DLG2: variants seen among roughly 807,000 people sequenced by gnomAD.
DLG2 encodes discs large MAGUK scaffold protein 2.
DLG2 carries 45 observed loss-of-function variants against 132.5 expected under a neutral mutation model. That is an observed-to-expected ratio of 0.34 (90% CI 0.27 to 0.44). The LOEUF is 0.44. Ranked by LOEUF, DLG2 falls within the 20% of genes least tolerant of loss-of-function variation. The pLI is 1.00. For missense variants in DLG2, 1,045 were observed against 1,196.9 expected, an observed-to-expected ratio of 0.87 and a Z score of 1.87; for synonymous variants, 424 against 419.6, an observed-to-expected ratio of 1.01 and a Z score of -0.13.
At chr11:84,730,620 G>A (rs374923928) in intron 6 of DLG2, among the ~76,000 whole-genome samples, 1 of 152,012 alleles carries the variant, frequency 6.6e-6, no homozygotes, top group Non-Finnish European at 1.5e-5. Context: ...TTCATGGGAA[G>A]ACTGACAAGA....
intron 7 of DLG2, among the ~76,000 whole-genome samples, chr11:84,323,720 C>CTTTTTTTTTTTTTTTTTT (rs35283044): frequency 8.1e-6 from 1 of 123,790 alleles, no homozygotes; most frequent in African/African-American, 3.0e-5. Context: ...TTCTTTTTTC[C>CTTTTTTTTTTTTTTTTTT]TTTTTTTTTT....
intron 7 of DLG2, chr11:84,317,224 A>G: frequency 6.6e-7 from 1 of 1,520,290 alleles, no homozygotes; most frequent in Non-Finnish European, 8.8e-7. Context: ...TCTTCCAGCC[A>G]GTTGTAAAAG....
At chr11:83,978,888 C>T (rs751493406) in intron 12 of DLG2, among the ~76,000 whole-genome samples, 18 of 152,050 alleles carry the variant, frequency 1.2e-4, no homozygotes, top group Non-Finnish European at 2.5e-4. Context: ...GGCAGTATAG[C>T]TTGGTAGTAA....
Position 85,239,672 on chromosome 11 carries a change from G to A in DLG2, c.186+45548C>T, listed in dbSNP as rs182395683. 6.6e-4 allele frequency among the ~76,000 whole-genome samples: 101 copies of A among 151,894 alleles called. 2 individuals carry two copies. In the East Asian group the frequency reaches 0.013, roughly 20 times the overall value. On this transcript the variant is annotated intron_variant, in intron 4 of 27. Transcript: ENST00000376104. ...GTCTATCCTATTTATATAATCTTTT[G>A]GGACTCCCTTTTTCCCTCAGTATTA...
At chr11:84,710,539 A>G (rs2060267058) in intron 6 of DLG2, among the ~76,000 whole-genome samples, 1 of 151,918 alleles carries the variant, frequency 6.6e-6, no homozygotes, top group African/African-American at 2.4e-5. Flanking sequence ...AAATAATATC[A>G]TTATTATTTG....
intron 7 of DLG2, among the ~76,000 whole-genome samples, chr11:84,373,507 T>C (rs1381424285): frequency 6.6e-6 from 1 of 151,830 alleles, no homozygotes; most frequent in Non-Finnish European, 1.5e-5. Flanking sequence ...GAAGCAGAGG[T>C]TGCAGTGAGC....
chr11:85,066,132 T>C (rs7127854), intron 6 of DLG2, among the ~76,000 whole-genome samples: 31,156 of 151,206 alleles, frequency 0.21, 3,625 homozygotes, highest in Middle Eastern at 0.28. Context: ...AACTAATAAC[T>C]CAGAAATAGA....
At chr11:84,820,458 T>C (rs1217710394) in intron 6 of DLG2, among the ~76,000 whole-genome samples, 2 of 151,932 alleles carry the variant, frequency 1.3e-5, no homozygotes, top group East Asian at 3.9e-4. Flanking sequence ...GGATCTCTGT[T>C]GGCTCTCTAT....
intron 6 of DLG2, among the ~76,000 whole-genome samples, chr11:85,011,065 A>G (rs1465045694): frequency 6.6e-6 from 1 of 152,174 alleles, no homozygotes; most frequent in Non-Finnish European, 1.5e-5. Flanking sequence ...GAACTTTTTC[A>G]CTAATTGCCA....
chr11:84,251,743 C>A (rs1049957338), intron 7 of DLG2, among the ~76,000 whole-genome samples: 1 of 148,692 alleles, frequency 6.7e-6, no homozygotes, highest in Non-Finnish European at 1.5e-5. Context: ...CTGGTTCAGG[C>A]AATTCTCCTG....
intron 9 of DLG2, among the ~76,000 whole-genome samples, chr11:84,151,845 G>A (rs558908517): frequency 6.6e-6 from 1 of 152,292 alleles, no homozygotes; most frequent in South Asian, 2.1e-4. Context: ...CTATGTAATT[G>A]TGTGGTTTTG....
At chr11:85,525,244 T>C (rs1202312129) in intron 3 of DLG2, among the ~76,000 whole-genome samples, 1 of 152,156 alleles carries the variant, frequency 6.6e-6, no homozygotes, top group African/African-American at 2.4e-5. Flanking sequence ...AGTAAGAAAA[T>C]ATTTGCAACT....
At chr11:85,318,824 C>T (rs2080862035) in intron 3 of DLG2, among the ~76,000 whole-genome samples, 1 of 151,806 alleles carries the variant, frequency 6.6e-6, no homozygotes, top group African/African-American at 2.4e-5. Context: ...AACACTTCTG[C>T]CACTAAGGTC....
intron 7 of DLG2, among the ~76,000 whole-genome samples, chr11:84,441,071 G>A (rs1039041561): frequency 6.6e-6 from 1 of 151,784 alleles, no homozygotes; most frequent in Non-Finnish European, 1.5e-5. Context: ...ATTTTGATTG[G>A]TTTGTTTGCA....
At chr11:84,698,235 G>A (rs368821981) in intron 6 of DLG2, among the ~76,000 whole-genome samples, 4 of 131,782 alleles carry the variant, frequency 3.0e-5, no homozygotes, top group African/African-American at 1.1e-4. Flanking sequence ...CATCTGATCC[G>A]AACTTTAAAT....
rs77674402 is a variant in DLG2, at chr11:85,437,444, C to A, written c.41-152079G>T. Among the ~76,000 whole-genome samples the A allele has an allele frequency of 2.5e-3, 388 of 152,174 alleles. 1 individual carries two copies. Among genetic ancestry groups the A allele is most frequent in the African/African-American group, 9.1e-3 (377 of 41,508 alleles). On this transcript the variant is annotated intron_variant, in intron 3 of 27. Coordinates refer to ENST00000376104, the MANE Select transcript of DLG2 (RefSeq NM_001142699.3). ...AATTAATTTATTTGTGCTAATGTGG[C>A]AACATCACTCTGTAAAATCAGTTAT...
chr11:83,476,302 CATCACAAACTG>C (rs1439433422), intron 22 of DLG2, among the ~76,000 whole-genome samples: 1 of 152,082 alleles, frequency 6.6e-6, no homozygotes. Context: ...TCTTGACAGG[CATCACAAACTG>C]ATCATTGCCG....
chr11:85,496,628 C>A (rs1420311564), intron 3 of DLG2, among the ~76,000 whole-genome samples: 1 of 152,196 alleles, frequency 6.6e-6, no homozygotes, highest in Non-Finnish European at 1.5e-5. Context: ...AAGTGGGTCC[C>A]TGATCCCCAT....
In DLG2 at chr11:84,928,982, G is replaced by GTGTGTGTATA. The variant is rs1400906684; in HGVS notation, c.357+182678_357+182679insTATACACACA. 1.8e-3 allele frequency among the ~76,000 whole-genome samples: 88 copies of GTGTGTGTATA among 49,112 alleles called. 3 individuals are homozygous for GTGTGTGTATA. The highest frequency in any genetic ancestry group is 4.0e-3 in the African/African-American group (44 of 11,110). The allele number at this position is 49,112 out of a possible 152,430, so 32.2% of individuals were successfully genotyped here. Reference sequence around the variant, plus strand: ...TATGTGTGTGTGTGTGTGTGTGTGTGTATATATATATATATATATATATAT... The same window carrying GTGTGTGTATA: ...TATGTGTGTGTGTGTGTGTGTGTGTGTGTGTGTATATATATATATATATATATATATATAT... On this transcript the variant is annotated intron_variant, in intron 6 of 27. Transcript: ENST00000376104.
Sources: allele counts gnomAD v4.1 joint callset (sites outside exome capture counted in the v4.1 genomes callset), GRCh38; gene constraint gnomAD v4.1.1; transcripts MANE v1.5; gene names NCBI Gene and HGNC (gene_info 2026-07-23, HGNC 2026-07-21).